The following XRN1 variants were observed in gnomAD, a reference collection of about 807,000 sequenced individuals.
XRN1 encodes strand-exchange protein 1 homolog.
Under a neutral mutation model 222.3 loss-of-function variants are expected in XRN1, and 67 were observed. The ratio of observed to expected loss-of-function variants is 0.30; its 90% confidence interval spans 0.25 to 0.37. The LOEUF is 0.37. Among genes scored for constraint, XRN1 ranks in the 10% least tolerant of loss-of-function variants. The probability of loss-of-function intolerance (pLI) is 1.00; values close to 1 mark genes in which losing one functional copy is unlikely to be tolerated. For missense variants in XRN1, 1,707 were observed against 2,000.2 expected, an observed-to-expected ratio of 0.85 and a Z score of 2.80; for synonymous variants, 643 against 652.4, an observed-to-expected ratio of 0.99 and a Z score of 0.22.
chr3:142,375,462 C>T (rs966688680), intron 25 of XRN1, among the ~76,000 whole-genome samples: 13 of 152,100 alleles, frequency 8.5e-5, no homozygotes, highest in African/African-American at 2.9e-4. Flanking sequence ...CAGAAAAAAT[C>T]CACTATGCTA....
At chr3:142,381,671 A>C (rs2067309901) in intron 22 of XRN1, among the ~76,000 whole-genome samples, 1 of 150,724 alleles carries the variant, frequency 6.6e-6, no homozygotes, top group Admixed American at 6.6e-5. Flanking sequence ...AGGTTCAAGC[A>C]ATTCTTATTC....
chr3:142,359,888 T>A lies in XRN1; in HGVS notation c.3438A>T (p.Glu1146Asp). The A allele has an allele frequency of 1.2e-6, 2 of 1,606,476 alleles. No homozygotes were observed. Among genetic ancestry groups the A allele is most frequent in the Non-Finnish European group, 1.7e-6 (2 of 1,175,496 alleles). Residue 1146 changes from glutamate to aspartate, a missense_variant, in exon 30 of 41, where the codon GAA becomes GAT. Coordinates refer to ENST00000392981, the MANE Select transcript of XRN1 (RefSeq NM_001282857.2). ...ADVLFEVLFDEEFPGGLTIRC... is the reference protein window; with the variant it reads ...ADVLFEVLFDDEFPGGLTIRC... ...TTATTGTTAACCCTCCAGGAAATTC[T>A]TCATCAAATAATACTTCAAATAGTA...
chr3:142,401,620 A>C (rs1277696083), intron 18 of XRN1, among the ~76,000 whole-genome samples: 1 of 152,120 alleles, frequency 6.6e-6, no homozygotes, highest in African/African-American at 2.4e-5. Context: ...CGGGAGGCTG[A>C]GGCAGGAGAA....
intron 20 of XRN1, among the ~76,000 whole-genome samples, chr3:142,390,479 A>G: frequency 6.6e-6 from 1 of 152,170 alleles, no homozygotes; most frequent in East Asian, 1.9e-4. Flanking sequence ...TCATGAACCA[A>G]CCTCTGCTTA....
At chr3:142,335,628 T>G in intron 33 of XRN1, 119 bp from the exon 34 acceptor site, 1 of 865,642 alleles carries the variant, frequency 1.2e-6, no homozygotes. Flanking sequence ...CAAGACACAG[T>G]CTCTGAACTT....
chr3:142,335,554 T>G (rs2065829501), intron 33 of XRN1, 45 bp from the exon 34 acceptor site: 1 of 1,519,136 alleles, frequency 6.6e-7, no homozygotes, highest in East Asian at 2.3e-5. Flanking sequence ...AAGTGTTTAC[T>G]GCACAATTAA....
At position 142,447,648 on chromosome 3, in the gene XRN1, A is replaced by G. The variant is rs747547415; in HGVS notation, c.75+222T>C. Among the ~76,000 whole-genome samples the G allele has an allele frequency of 7.2e-5, 11 of 152,214 alleles. No homozygotes were observed. The highest frequency in any genetic ancestry group is 1.6e-4 in the Non-Finnish European group (11 of 68,018). The stretch of plus-strand genomic sequence containing the variant: ...CAGCAGAAGCAAGAGCTGTCAGAGA[A>G]GCCGTGAACCCAGCGGCTCTGTCCA... On this transcript the variant is annotated intron_variant, in intron 1 of 40. Transcript: ENST00000392981. The surrounding 1 kb of genome is among the most constrained non-coding windows in gnomAD (Gnocchi z 4.2).
intron 13 of XRN1, 67 bp from the exon 14 acceptor site, chr3:142,414,358 C>T (rs1207395959): frequency 8.4e-7 from 1 of 1,191,754 alleles, no homozygotes; most frequent in East Asian, 2.8e-5. Context: ...TAAACATATA[C>T]TTTTCCCCAT....
At chr3:142,373,348 A>G (rs115454798) in intron 25 of XRN1, among the ~76,000 whole-genome samples, 18,480 of 151,406 alleles carry the variant, frequency 0.12, 1,121 homozygotes, top group Non-Finnish European at 0.13. Flanking sequence ...ATAAAACTAA[A>G]AGGATCAGTC....
intron 8 of XRN1, among the ~76,000 whole-genome samples, chr3:142,422,114 T>C (rs895547487): frequency 2.0e-5 from 3 of 152,030 alleles, no homozygotes; most frequent in Non-Finnish European, 4.4e-5. Context: ...GGAAGCCAGA[T>C]CACTTGAGGC....
intron 22 of XRN1, among the ~76,000 whole-genome samples, chr3:142,381,015 C>A (rs1428745190): frequency 2.9e-5 from 4 of 139,944 alleles, no homozygotes; most frequent in African/African-American, 8.0e-5. Context: ...CAAAAAGTTG[C>A]AAAAAAAAAA....
intron 15 of XRN1, among the ~76,000 whole-genome samples, 198 bp from the exon 16 acceptor site, chr3:142,405,274 A>C (rs1378504845): frequency 6.6e-6 from 1 of 152,192 alleles, no homozygotes; most frequent in Non-Finnish European, 1.5e-5. Context: ...GGGCCCTAGA[A>C]TACTGCTACC....
chr3:142,438,220 C>T (rs2070009614), intron 1 of XRN1, among the ~76,000 whole-genome samples: 1 of 152,118 alleles, frequency 6.6e-6, no homozygotes, highest in Admixed American at 6.5e-5. Context: ...AAAACAGGTG[C>T]AGGACTGCTA....
Position 142,370,529 on chromosome 3 carries a change from C to T in XRN1, c.3160G>A (p.Ala1054Thr), listed in dbSNP as rs762412227. ...TCCTCAATTTTCTCAACAATAGCTG[C>T]ATCCAGAATTTGTAAATCACAAGAA... ...RSSCDLQILD[A>T]AIVEKIEEEV... The change falls in exon 27 of 41, where the codon GCA becomes ACA. Residue 1054 changes from alanine (A) to threonine (T), a missense_variant. Physicochemically the swap from Ala to Thr is moderately conservative, Grantham distance 58. Transcript: ENST00000392981. 2 of 1,607,140 alleles carry T rather than the reference C, an allele frequency of 1.2e-6. No homozygotes were observed. The highest frequency in any genetic ancestry group is 1.7e-6 in the Non-Finnish European group (2 of 1,177,564).
chr3:142,412,598 T>G lies in XRN1; in HGVS notation c.1659A>C (p.Leu553=). The G allele has an allele frequency of 6.2e-7, 1 of 1,608,610 alleles. No homozygotes were observed. The highest frequency in any genetic ancestry group is 8.5e-7 in the Non-Finnish European group (1 of 1,176,348). The change falls in exon 15 of 41, where the codon CTA becomes CTC. Residue 553 remains leucine, a synonymous_variant. Coordinates refer to ENST00000392981, the MANE Select transcript of XRN1 (RefSeq NM_001282857.2). ...CTTCCCATTCCTGTTGTTTCCCATT[T>G]AGGTCAGTTTTAAAATCAGGTGGGT... ...EYYPPDFKTD[L]NGKQQEWEAV...
intron 12 of XRN1, among the ~76,000 whole-genome samples, 181 bp from the exon 13 acceptor site, chr3:142,417,410 T>C (rs1457213134): frequency 1.3e-5 from 2 of 152,336 alleles, no homozygotes; most frequent in East Asian, 3.9e-4. Context: ...TTACATCCTG[T>C]CACATGACAG....
At chr3:142,333,686 T>C (rs2065767744) in intron 34 of XRN1, among the ~76,000 whole-genome samples, 1 of 152,134 alleles carries the variant, frequency 6.6e-6, no homozygotes, top group Non-Finnish European at 1.5e-5. Context: ...GGTAATTAAG[T>C]TTAGATGAGG....
At chr3:142,421,397 T>G in intron 9 of XRN1, 79 bp downstream of exon 9, 1 of 1,177,494 alleles carries the variant, frequency 8.5e-7, no homozygotes, top group Non-Finnish European at 1.2e-6. Context: ...AAAACCCCTT[T>G]CTTCTGGTAT....
intron 22 of XRN1, among the ~76,000 whole-genome samples, chr3:142,380,773 C>T (rs1017991628): frequency 6.6e-6 from 1 of 151,958 alleles, no homozygotes; most frequent in Non-Finnish European, 1.5e-5. Flanking sequence ...AATCTTCCCA[C>T]CTCAGCCTCT....
Sources: allele counts gnomAD v4.1 joint callset (sites outside exome capture counted in the v4.1 genomes callset), GRCh38; gene constraint gnomAD v4.1.1; non-coding constraint Gnocchi (gnomAD v3.1); transcripts MANE v1.5; gene names NCBI Gene and HGNC (gene_info 2026-07-23, HGNC 2026-07-21).